Variants in PCGF3 observed in about 807,000 individuals in gnomAD.
PCGF3 encodes the protein polycomb group RING finger protein 3.
Under a neutral mutation model 33.1 loss-of-function variants are expected in PCGF3, and 7 were observed. The observed-to-expected ratio is 0.21, with a 90% confidence interval of 0.12 to 0.40. The LOEUF (loss-of-function observed/expected upper bound fraction) is 0.40, where lower values mean the gene tolerates loss of function less well. PCGF3 is among the 10% of genes least tolerant of loss of function. The pLI is 1.00. For synonymous variants in PCGF3, 153 were observed against 121.3 expected (o/e 1.26, Z -1.72); for missense variants, 211 against 313.3 (o/e 0.67, Z 2.46).
intron 8 of PCGF3, among the ~76,000 whole-genome samples, chr4:756,623 G>A (rs1180286330): frequency 6.6e-6 from 1 of 151,788 alleles, no homozygotes; most frequent in East Asian, 1.9e-4. Flanking sequence ...TTTCTAAATT[G>A]TGTTACATGC....
intron 6 of PCGF3, 55 bp downstream of exon 6, chr4:737,576 C>T: frequency 9.0e-7 from 1 of 1,113,260 alleles, no homozygotes; most frequent in Non-Finnish European, 1.4e-6. Flanking sequence ...CCTCTGCAGC[C>T]CCTGCTCTCC....
chr4:707,003 G>A (rs577775367), intron 1 of PCGF3, among the ~76,000 whole-genome samples: 1 of 151,918 alleles, frequency 6.6e-6, no homozygotes, highest in East Asian at 1.9e-4. Flanking sequence ...GGAAGGTCGC[G>A]ACCCCAGCCC....
intron 6 of PCGF3, among the ~76,000 whole-genome samples, chr4:742,293 G>A (rs1345150392): frequency 1.3e-5 from 2 of 151,998 alleles, no homozygotes; most frequent in East Asian, 1.9e-4. Context: ...GTCCAAGCTC[G>A]TTGCCTCACG....
chr4:769,017 GTTTTTCA>G (rs1745503490), exon 11 of PCGF3: 1 of 152,624 alleles, frequency 6.6e-6, no homozygotes, highest in Admixed American at 6.5e-5. Flanking sequence ...TTGGTTTTTC[GTTTTTCA>G]TTGTTATTAT....
At chr4:758,165 C>CA (rs61081270) in intron 8 of PCGF3, among the ~76,000 whole-genome samples, 686 of 54,842 alleles carry the variant, frequency 0.013, 62 homozygotes, top group African/African-American at 0.029. Flanking sequence ...GACTCTGTCT[C>CA]AAAAAAAAAA....
chr4:761,355 C>T lies in PCGF3; in HGVS notation c.539C>T (p.Ala180Val), dbSNP rs753649606. The stretch of plus-strand genomic sequence containing the variant: ...AAGTGGATCCGCTGCTCAGCCCAGG[C>T]GACCGTCTTGCATCTGAAGAAGTTC... The change falls in exon 9 of 11, where the codon GCG becomes GTG. Residue 180 changes from alanine to valine, a missense_variant. Transcript: ENST00000362003. 2.5e-6 allele frequency: 4 copies of T among 1,612,326 alleles called. No individual in the cohort carries two copies. In the South Asian group the frequency reaches 3.3e-5, roughly 13 times the overall value.
intron 5 of PCGF3, 115 bp downstream of exon 5, chr4:735,142 C>T: frequency 8.4e-7 from 1 of 1,190,972 alleles, no homozygotes; most frequent in Non-Finnish European, 1.2e-6. Flanking sequence ...TGGCAGCAGC[C>T]TCTCCTGACC....
At chr4:737,507 C>G in exon 6 of PCGF3, 1 of 1,608,666 alleles carries the variant, frequency 6.2e-7, no homozygotes, top group Non-Finnish European at 8.5e-7. Flanking sequence ...AAATTGGTAC[C>G]AGGCCTCCAA....
chr4:760,758 G>T (rs925263889), intron 8 of PCGF3, among the ~76,000 whole-genome samples: 1 of 152,228 alleles, frequency 6.6e-6, no homozygotes, highest in Non-Finnish European at 1.5e-5. Flanking sequence ...GGGAGCCCGT[G>T]GCTGCTGGGA....
chr4:731,058 C>T (rs1038822044), exon 3 of PCGF3: 8 of 398,522 alleles, frequency 2.0e-5, no homozygotes, highest in Non-Finnish European at 3.5e-5. Context: ...GGAGTGCTGG[C>T]CTGAAGCCTC....
rs1040576341 is a variant in PCGF3, at chr4:734,493, G to A, written c.110-438G>A. ...AATTTGATAGAATTTTGACTTTAAC[G>A]TTAATCGTATTTTTAGATATTGGTT... On this transcript the variant is annotated intron_variant, in intron 4 of 10. Transcript: ENST00000362003. The A allele has an allele frequency of 1.8e-4, 220 of 1,222,956 alleles. 1 individual carries two copies. The African/African-American group carries it at 2.8e-3, about 15-fold the overall frequency. The allele number at this position is 1,222,956 out of a possible 1,614,324, so 75.8% of individuals were successfully genotyped here.
At chr4:733,430 A>G (rs973284068) in intron 3 of PCGF3, among the ~76,000 whole-genome samples, 6 of 152,194 alleles carry the variant, frequency 3.9e-5, no homozygotes, top group African/African-American at 1.4e-4. Flanking sequence ...GGGCACAGAG[A>G]GAAGCCAGTG....
At chr4:712,376 A>G (rs949098664) in intron 1 of PCGF3, among the ~76,000 whole-genome samples, 3 of 152,106 alleles carry the variant, frequency 2.0e-5, no homozygotes, top group Non-Finnish European at 2.9e-5. Flanking sequence ...CCTTCAACCT[A>G]TTGTTATATT....
At chr4:729,883 C>T (rs146214559) in intron 1 of PCGF3, among the ~76,000 whole-genome samples, 2 of 152,326 alleles carry the variant, frequency 1.3e-5, no homozygotes, top group Non-Finnish European at 2.9e-5. Context: ...AGTCTGACTC[C>T]AGCCACCTGT....
At chr4:730,936 C>G (rs958414884) in intron 2 of PCGF3, 34 bp from the exon 3 acceptor site, 3 of 397,988 alleles carry the variant, frequency 7.5e-6, no homozygotes, top group African/African-American at 6.2e-5. Context: ...ATCCATGACG[C>G]GAAGTGAACT....
At chr4:748,958 C>G (rs1017707273) in intron 8 of PCGF3, among the ~76,000 whole-genome samples, 5 of 152,072 alleles carry the variant, frequency 3.3e-5, no homozygotes, top group Non-Finnish European at 7.3e-5. Context: ...GCTGCTGCTC[C>G]CCTTTACTCT....
chr4:714,367 G>A (rs1742713865), intron 1 of PCGF3, among the ~76,000 whole-genome samples: 1 of 152,132 alleles, frequency 6.6e-6, no homozygotes, highest in Non-Finnish European at 1.5e-5. Flanking sequence ...GTACATCCTG[G>A]ACTCACCTGT....
intron 1 of PCGF3, among the ~76,000 whole-genome samples, chr4:727,467 C>T (rs1487214826): frequency 6.6e-6 from 1 of 151,942 alleles, no homozygotes; most frequent in Non-Finnish European, 1.5e-5. Context: ...GTCTCCATCT[C>T]CTGACCTCAT....
At chr4:725,861 GCCTCCTGGAA>G (rs1743311953) in intron 1 of PCGF3, among the ~76,000 whole-genome samples, 1 of 152,168 alleles carries the variant, frequency 6.6e-6, no homozygotes, top group Admixed American at 6.5e-5. Context: ...TGATGACGGA[GCCTCCTGGAA>G]CCGCCTCAGT....
Sources: allele counts gnomAD v4.1 joint callset (sites outside exome capture counted in the v4.1 genomes callset), GRCh38; gene constraint gnomAD v4.1.1; transcripts MANE v1.5; gene names NCBI Gene and HGNC (gene_info 2026-07-23, HGNC 2026-07-21).